Variants in CRYL1 observed in about 807,000 individuals in gnomAD.
CRYL1 encodes the protein lambda-crystallin homolog.
Under a neutral mutation model 36.6 loss-of-function variants are expected in CRYL1, and 29 were observed. The observed-to-expected ratio is 0.79, with a 90% CI of 0.59 to 1.08. The LOEUF (loss-of-function observed/expected upper bound fraction) is 1.08, where lower values mean the gene tolerates loss of function less well. Among genes scored for constraint, CRYL1 ranks in the 50% least tolerant of loss-of-function variants. The pLI is 0.00. For missense variants in CRYL1, 411 were observed against 407.9 expected (o/e 1.01, Z -0.06); for synonymous variants, 152 against 151.5 (o/e 1.00, Z -0.02).
At chr13:20,486,135 G>A (rs1168764888) in intron 3 of CRYL1, among the ~76,000 whole-genome samples, 1 of 151,966 alleles carries the variant, frequency 6.6e-6, no homozygotes, top group Non-Finnish European at 1.5e-5. Flanking sequence ...GGCCAGGCTG[G>A]TCTTGAACTC....
rs1438063916 is a variant in CRYL1, at chr13:20,481,911, CGAAAG to C, written c.276+7454_276+7458del. Among the ~76,000 whole-genome samples the C allele has an allele frequency of 1.3e-5, 2 of 152,128 alleles. No homozygotes were observed. Among genetic ancestry groups the C allele is most frequent in the African/African-American group, 2.4e-5 (1 of 41,494 alleles). On this transcript the variant is annotated intron_variant, in intron 3 of 7. Transcript: ENST00000298248. The surrounding 1 kb of genome is among the most constrained non-coding windows in gnomAD (Gnocchi z 4.1). ...GGGTGACAAAGGTGCGACTCCATCT[CGAAAG>C]GAAAAAGAAAAAACACATACAACAG...
At chr13:20,407,874 A>C (rs2031417883) in intron 6 of CRYL1, among the ~76,000 whole-genome samples, 1 of 152,232 alleles carries the variant, frequency 6.6e-6, no homozygotes, top group Admixed American at 6.5e-5. Flanking sequence ...GTGCACAGGC[A>C]GGAATCCTTT....
intron 1 of CRYL1, among the ~76,000 whole-genome samples, chr13:20,518,939 T>G (rs4770048): frequency 0.19 from 28,809 of 152,138 alleles, 4,523 homozygotes; most frequent in African/African-American, 0.42. Flanking sequence ...TGGGAAAGAC[T>G]AGCAATGGAG....
intron 3 of CRYL1, among the ~76,000 whole-genome samples, chr13:20,475,281 A>C (rs2033143953): frequency 6.6e-6 from 1 of 152,152 alleles, no homozygotes; most frequent in South Asian, 2.1e-4. Context: ...TGCAGGTTCC[A>C]GCTGGAGTCC....
chr13:20,491,479 C>G (rs980601568), intron 2 of CRYL1, among the ~76,000 whole-genome samples: 3 of 152,128 alleles, frequency 2.0e-5, no homozygotes, highest in South Asian at 4.1e-4. Flanking sequence ...AGAACAAATT[C>G]CTTGAATTAG....
At chr13:20,489,558 G>A in intron 2 of CRYL1, 62 bp from the exon 3 acceptor site, 1 of 1,588,532 alleles carries the variant, frequency 6.3e-7, no homozygotes, top group South Asian at 1.1e-5. Context: ...AACAGATAAA[G>A]CCCAACATCA....
At chr13:20,478,474 G>C (rs1207151021) in intron 3 of CRYL1, among the ~76,000 whole-genome samples, 2 of 151,798 alleles carry the variant, frequency 1.3e-5, no homozygotes, top group African/African-American at 4.8e-5. Flanking sequence ...TCTTTTATTT[G>C]GGTTTGTTTG....
At chr13:20,427,995 AT>A (rs2031970740) in intron 5 of CRYL1, among the ~76,000 whole-genome samples, 2 of 152,346 alleles carry the variant, frequency 1.3e-5, no homozygotes, top group South Asian at 4.1e-4. Flanking sequence ...AAATGGTTCC[AT>A]AACCATTAAA....
At chr13:20,522,945 T>G (rs61955537) in intron 1 of CRYL1, among the ~76,000 whole-genome samples, 1 of 114,362 alleles carries the variant, frequency 8.7e-6, no homozygotes, top group Non-Finnish European at 1.7e-5. Context: ...TGAGATGGAG[T>G]CTCACTCTAT....
intron 2 of CRYL1, 44 bp from the exon 3 acceptor site, chr13:20,489,540 C>A (rs757061313): frequency 1.9e-6 from 3 of 1,603,928 alleles, no homozygotes; most frequent in Non-Finnish European, 2.5e-6. Flanking sequence ...TTCAACACCA[C>A]ATTTAAAAAC....
chr13:20,460,802 G>A (rs2032800441), intron 3 of CRYL1, among the ~76,000 whole-genome samples: 1 of 152,290 alleles, frequency 6.6e-6, no homozygotes, highest in South Asian at 2.1e-4. Context: ...TGGGATTACA[G>A]ACGTGAGCCA....
intron 2 of CRYL1, among the ~76,000 whole-genome samples, chr13:20,504,269 G>A (rs1420595454): frequency 6.7e-6 from 1 of 148,776 alleles, no homozygotes; most frequent in African/African-American, 2.5e-5. Flanking sequence ...TTGTTTACTT[G>A]ATTTGCTTTT....
At chr13:20,507,684 C>CG (rs1164239788) in intron 2 of CRYL1, among the ~76,000 whole-genome samples, 3 of 151,600 alleles carry the variant, frequency 2.0e-5, no homozygotes, top group Non-Finnish European at 4.4e-5. Flanking sequence ...TTTGGGAGGC[C>CG]AAGGCAGGCG....
intron 5 of CRYL1, chr13:20,431,697 T>C: frequency 1.8e-6 from 2 of 1,124,476 alleles, no homozygotes; most frequent in Non-Finnish European, 1.1e-6. Flanking sequence ...ACAATTAGGT[T>C]CCTTCAGGAG....
At chr13:20,459,297 G>A (rs545739600) in intron 3 of CRYL1, among the ~76,000 whole-genome samples, 18 of 148,770 alleles carry the variant, frequency 1.2e-4, no homozygotes, top group African/African-American at 2.5e-4. Flanking sequence ...GAGATTTCTC[G>A]AAGTGCTTAA....
At chr13:20,470,927 C>CAAA (rs1282081880) in intron 3 of CRYL1, among the ~76,000 whole-genome samples, 1 of 113,808 alleles carries the variant, frequency 8.8e-6, no homozygotes, top group African/African-American at 3.4e-5. Flanking sequence ...AAAAAAAAAA[C>CAAA]AAAAAAAAAA....
intron 5 of CRYL1, chr13:20,430,689 C>A (rs2032039380): frequency 5.1e-6 from 5 of 985,370 alleles, no homozygotes; most frequent in Non-Finnish European, 6.0e-6. Flanking sequence ...GGGCTCACAC[C>A]TTTCATATTG....
Position 20,525,826 on chromosome 13 carries a change from T to C in CRYL1, c.-32A>G. 1 of 1,221,190 alleles carries C rather than the reference T, an allele frequency of 8.2e-7. No individual in the cohort carries two copies. 75.6% of individuals were successfully genotyped at this position (1,221,190 alleles called of 1,614,324 possible). On this transcript the variant is annotated 5_prime_UTR_variant, in exon 1 of 8. Coordinates refer to ENST00000298248, the MANE Select transcript of CRYL1 (RefSeq NM_015974.3). This position sits in a 1 kb window ranked among gnomAD's most constrained non-coding sequence, Gnocchi z 4.3. The stretch of plus-strand genomic sequence containing the variant: ...GCCGGGGACGCGGCGCCGCGGGCGC[T>C]GGGACCAGGCGCCGGCGGAGCTGCG...
chr13:20,512,615 C>A (rs914948453), intron 1 of CRYL1, 65 bp from the exon 2 acceptor site: 11 of 1,189,306 alleles, frequency 9.2e-6, no homozygotes, highest in Non-Finnish European at 1.3e-5. Context: ...CATTCCTAAC[C>A]CAGAATGAGT....
Sources: allele counts gnomAD v4.1 joint callset (sites outside exome capture counted in the v4.1 genomes callset), GRCh38; gene constraint gnomAD v4.1.1; non-coding constraint Gnocchi (gnomAD v3.1); transcripts MANE v1.5; gene names NCBI Gene and HGNC (gene_info 2026-07-23, HGNC 2026-07-21).